Variants in USP40 observed in about 807,000 individuals in gnomAD.
USP40 encodes ubiquitin carboxyl-terminal hydrolase 40.
A neutral mutation model predicts 166.2 loss-of-function variants in USP40; 143 were observed. The observed-to-expected ratio is 0.86, with a 90% CI of 0.75 to 0.99. The LOEUF is 0.99. Ranked by LOEUF, USP40 falls within the 50% of genes least tolerant of loss-of-function variation. USP40 has a pLI of 0.00. For missense variants in USP40, 1,444 were observed against 1,479.7 expected (o/e 0.98, Z 0.40); for synonymous variants, 498 against 524.0 (o/e 0.95, Z 0.68).
intron 1 of USP40, among the ~76,000 whole-genome samples, chr2:233,566,042 C>T (rs549206998): frequency 2.0e-4 from 31 of 152,208 alleles, no homozygotes; most frequent in Admixed American, 9.8e-4. Context: ...TTGTCACACC[C>T]TTCAGTACTA....
intron 21 of USP40, among the ~76,000 whole-genome samples, chr2:233,502,844 C>G (rs974212120): frequency 2.6e-4 from 39 of 151,550 alleles, no homozygotes; most frequent in African/African-American, 9.3e-4. Context: ...ACATCATTTC[C>G]AACAGACACC....
At chr2:233,559,710 G>T in intron 4 of USP40, 101 bp downstream of exon 4, 1 of 714,868 alleles carries the variant, frequency 1.4e-6, no homozygotes. Context: ...ACAATATGTT[G>T]AGACCCTAAG....
chr2:233,510,310 T>A (rs547925165), intron 20 of USP40, among the ~76,000 whole-genome samples, 175 bp from the exon 21 acceptor site: 215 of 149,502 alleles, frequency 1.4e-3, no homozygotes, highest in Non-Finnish European at 1.7e-3. Context: ...TAATTATGCC[T>A]ACCCAGAAGT....
At chr2:233,487,294 C>G (rs945144517) in intron 28 of USP40, among the ~76,000 whole-genome samples, 1 of 152,208 alleles carries the variant, frequency 6.6e-6, no homozygotes, top group Admixed American at 6.5e-5. Flanking sequence ...AATCATCTTT[C>G]ATTTATCAAT....
At chr2:233,489,007 A>G (rs555847399) in intron 27 of USP40, among the ~76,000 whole-genome samples, 1 of 152,080 alleles carries the variant, frequency 6.6e-6, no homozygotes, top group Non-Finnish European at 1.5e-5. Flanking sequence ...AAAGGAAATG[A>G]CCCAAACCTG....
intron 30 of USP40, chr2:233,481,566 G>A (rs540609188): frequency 8.4e-6 from 4 of 473,876 alleles, no homozygotes; most frequent in African/African-American, 5.9e-5. Context: ...GCCAAACAGG[G>A]GGACTTTAAA....
intron 31 of USP40, among the ~76,000 whole-genome samples, chr2:233,477,790 T>C (rs2064266099): frequency 1.3e-5 from 2 of 152,210 alleles, no homozygotes; most frequent in African/African-American, 4.8e-5. Context: ...TGAGAAACCT[T>C]CCTTTCCGTA....
rs765321196 is a variant in USP40 at position 233,559,861 on chromosome 2, C to T, written c.331G>A (p.Ala111Thr). The change falls in exon 4 of 32, where the codon GCT becomes ACT. Residue 111 changes from alanine to threonine, a missense_variant. Coordinates refer to ENST00000678225, the MANE Select transcript of USP40 (RefSeq NM_001365479.2). ...FAQLLLLDQEAASTADLTDSF... is the reference protein window; with the variant it reads ...FAQLLLLDQETASTADLTDSF... ...TCAGTGAGGTCTGCTGTGGATGCAG[C>T]TTCCTGGTCTAAGAGCAGAAGCTGA... The T allele has an allele frequency of 1.2e-6, 2 of 1,610,772 alleles. No homozygotes were observed. The highest frequency in any genetic ancestry group is 1.7e-6 in the Non-Finnish European group (2 of 1,178,614).
intron 11 of USP40, among the ~76,000 whole-genome samples, chr2:233,531,605 C>G (rs757922639): frequency 1.3e-5 from 2 of 152,164 alleles, no homozygotes; most frequent in African/African-American, 4.8e-5. Flanking sequence ...ATTTCCATAT[C>G]TTTTTTTCCT....
intron 21 of USP40, among the ~76,000 whole-genome samples, chr2:233,506,733 G>C (rs150299419): frequency 2.9e-5 from 2 of 68,568 alleles, no homozygotes; most frequent in African/African-American, 1.4e-4. Flanking sequence ...TGCCTCTACC[G>C]AAAATACAAA....
At chr2:233,481,457 GAAA>G in intron 30 of USP40, 160 bp from the exon 31 acceptor site, 1 of 657,434 alleles carries the variant, frequency 1.5e-6, no homozygotes. Flanking sequence ...CTTGCTCGAT[GAAA>G]ACAAACTCGG....
Position 233,498,541 on chromosome 2 carries a change from A to G in USP40, c.2715+7T>C. On this transcript the variant is annotated splice_region_variant and intron_variant, in intron 23 of 31. Coordinates refer to ENST00000678225, the MANE Select transcript of USP40 (RefSeq NM_001365479.2). Reference sequence around the variant, plus strand: ...TACGAAAGTACAATGTATAGAAATCATCTTACTTCTTCACATAAAGGCTCT... The same window carrying G: ...TACGAAAGTACAATGTATAGAAATCGTCTTACTTCTTCACATAAAGGCTCT... The G allele has an allele frequency of 6.2e-7, 1 of 1,611,460 alleles. No homozygotes were observed. The highest frequency in any genetic ancestry group is 8.5e-7 in the Non-Finnish European group (1 of 1,178,860).
chr2:233,488,274 G>C lies in USP40; in HGVS notation c.3162C>G (p.Ile1054Met). The C allele has an allele frequency of 6.2e-7, 1 of 1,604,174 alleles. No individual in the cohort carries two copies. The highest frequency in any genetic ancestry group is 8.5e-7 in the Non-Finnish European group (1 of 1,174,798). The part of the protein sequence containing the change: ...REYKLGRRIE[I>M]CLEPLQKGEN... ...CGCCTTTCTGAAGGGGCTCTAAGCA[G>C]ATCTCAATTCTCCGTCCTAGTTTAT... is the stretch of plus-strand genomic sequence containing the variant. The change falls in exon 28 of 32, where the codon ATC (isoleucine) becomes ATG (methionine). Residue 1054 changes from isoleucine (I) to methionine (M), a missense_variant. Physicochemically the swap from Ile to Met is conservative, Grantham distance 10. Coordinates refer to ENST00000678225, the MANE Select transcript of USP40 (RefSeq NM_001365479.2).
chr2:233,505,528 A>G (rs1298691788), intron 21 of USP40, among the ~76,000 whole-genome samples: 1 of 152,202 alleles, frequency 6.6e-6, no homozygotes, highest in Non-Finnish European at 1.5e-5. Context: ...ACAAAGGATC[A>G]TAAGAGACTA....
intron 20 of USP40, 80 bp from the exon 21 acceptor site, chr2:233,510,215 G>T: frequency 1.9e-6 from 2 of 1,077,630 alleles, no homozygotes; most frequent in East Asian, 2.6e-5. Context: ...TTTCAAAAAT[G>T]TAAAGCCAAG....
At chr2:233,477,798 G>A (rs75479404) in intron 31 of USP40, among the ~76,000 whole-genome samples, 3 of 152,194 alleles carry the variant, frequency 2.0e-5, no homozygotes, top group Non-Finnish European at 2.9e-5. Context: ...CTTCCTTTCC[G>A]TACTTTTTAA....
At chr2:233,540,055 G>A (rs567423304) in intron 10 of USP40, among the ~76,000 whole-genome samples, 7 of 151,096 alleles carry the variant, frequency 4.6e-5, no homozygotes, top group Non-Finnish European at 8.8e-5. Context: ...AGCCTGGGAG[G>A]TGGAGGTTGC....
chr2:233,491,585 T>C (rs1406523753), intron 25 of USP40, among the ~76,000 whole-genome samples: 1 of 148,738 alleles, frequency 6.7e-6, no homozygotes. Flanking sequence ...ATCATAACAC[T>C]CATCCCAACC....
chr2:233,529,147 C>T (rs2068289659), intron 12 of USP40, among the ~76,000 whole-genome samples: 1 of 152,228 alleles, frequency 6.6e-6, no homozygotes, highest in African/African-American at 2.4e-5. Context: ...ACAATTCATT[C>T]AGCCCAACTA....
Sources: gnomAD v4.1 joint callset for allele counts (sites outside exome capture counted in the v4.1 genomes callset) on GRCh38, gnomAD v4.1.1 for gene constraint, MANE v1.5 for transcripts, NCBI Gene and HGNC (gene_info 2026-07-23, HGNC 2026-07-21) for gene names.